The following USP31 variants were observed in gnomAD, a reference collection of about 807,000 sequenced individuals.
The protein encoded by USP31 is ubiquitin carboxyl-terminal hydrolase 31.
A neutral mutation model predicts 119.4 loss-of-function variants in USP31; 44 were observed. The observed-to-expected ratio is 0.37, with a 90% CI of 0.29 to 0.47. USP31 has a LOEUF of 0.47. Among genes scored for constraint, USP31 ranks in the 20% least tolerant of loss-of-function variants. The probability of loss-of-function intolerance (pLI) is 0.99; values close to 1 mark genes in which losing one functional copy is unlikely to be tolerated. For synonymous variants in USP31, 749 were observed against 705.6 expected (o/e 1.06, Z -0.97); for missense variants, 1,643 against 1,730.2 (o/e 0.95, Z 0.89).
chr16:23,117,348 A>G lies in USP31; in HGVS notation c.634-9165T>C, dbSNP rs113897506. On this transcript the variant is annotated intron_variant, in intron 1 of 15. Coordinates refer to ENST00000219689, the MANE Select transcript of USP31 (RefSeq NM_020718.4). ...TTTTAAGCAAATTCATATGTACCAC[A>G]AAGAGCTGGTGGCAAGGATTCATTG... 7.9e-3 allele frequency among the ~76,000 whole-genome samples: 1,201 copies of G among 152,368 alleles called. 11 individuals carry two copies. The highest frequency in any genetic ancestry group is 0.026 in the African/African-American group (1,095 of 41,584).
At chr16:23,080,510 C>A (rs1900773585) in intron 12 of USP31, among the ~76,000 whole-genome samples, 1 of 152,056 alleles carries the variant, frequency 6.6e-6, no homozygotes, top group African/African-American at 2.4e-5. Context: ...GTCAAAGAGA[C>A]ATGAAAACTA....
At chr16:23,109,565 C>T (rs1902238072) in intron 1 of USP31, among the ~76,000 whole-genome samples, 1 of 152,120 alleles carries the variant, frequency 6.6e-6, no homozygotes, top group South Asian at 2.1e-4. Flanking sequence ...ACCACCCCTA[C>T]ACCTTGAATG....
chr16:23,068,535 C>G lies in USP31; in HGVS notation c.3570G>C (p.Arg1190Ser). 1 of 1,613,960 alleles carries G rather than the reference C, an allele frequency of 6.2e-7. No individual in the cohort carries two copies. The highest frequency in any genetic ancestry group is 1.1e-5 in the South Asian group (1 of 91,066). ...AGCTCCGCACGTGCTTCCCGGCCCC[C>G]CTGCCCTCCCCTGCTCGGGCCTGGC... ...RVSQARAGEG[R>S]GAGKHVRSSS... The change falls in exon 16 of 16, where the codon AGG becomes AGC. Residue 1190 changes from arginine to serine, a missense_variant. Physicochemically the swap from Arg to Ser is moderately radical, Grantham distance 110 (BLOSUM62 -1). Transcript: ENST00000219689.
chr16:23,102,288 G>C lies in USP31; in HGVS notation c.1234+31C>G, dbSNP rs1402871551. ...GACTATAGTTAAACCTGCAAACCCA[G>C]GTGGCATTATGGAAACAGGAGCTCC... On this transcript the variant is annotated intron_variant, in intron 6 of 15. Coordinates refer to ENST00000219689, the MANE Select transcript of USP31 (RefSeq NM_020718.4). 8 of 1,598,124 alleles carry C rather than the reference G, an allele frequency of 5.0e-6. 1 individual carries two copies. The South Asian group carries it at 8.0e-5, about 16-fold the overall frequency.
chr16:23,134,199 AAAG>A lies in USP31; in HGVS notation c.633+14436_633+14438del, dbSNP rs1228141111. Among the ~76,000 whole-genome samples the A allele has an allele frequency of 3.3e-4, 50 of 152,248 alleles. 1 individual carries two copies. Among genetic ancestry groups the A allele is most frequent in the Non-Finnish European group, 6.2e-4 (42 of 68,034 alleles). ...TTAGAGAAACTTTAAGTAGCATGAGAAAGAAGAATAAGCAACAATAACACTAAA... is the reference window on the plus strand; with the variant it reads ...TTAGAGAAACTTTAAGTAGCATGAGAAAGAATAAGCAACAATAACACTAAA... On this transcript the variant is annotated intron_variant, in intron 1 of 15. Coordinates refer to ENST00000219689, the MANE Select transcript of USP31 (RefSeq NM_020718.4).
intron 13 of USP31, among the ~76,000 whole-genome samples, chr16:23,077,907 A>G (rs1276028119): frequency 6.6e-6 from 1 of 152,246 alleles, no homozygotes. Context: ...GCATAAAGAT[A>G]TTCAACAATG....
chr16:23,143,879 G>T (rs958507891), intron 1 of USP31, among the ~76,000 whole-genome samples: 1 of 152,142 alleles, frequency 6.6e-6, no homozygotes, highest in Non-Finnish European at 1.5e-5. Flanking sequence ...TGTCCCAGGG[G>T]GTGGGGGCAG....
chr16:23,071,905 C>A, intron 15 of USP31, 140 bp downstream of exon 15: 1 of 1,177,288 alleles, frequency 8.5e-7, no homozygotes, highest in Admixed American at 2.3e-5. Flanking sequence ...TAACTCACAG[C>A]TACACAGCTC....
At chr16:23,128,178 C>A (rs1482443159) in intron 1 of USP31, among the ~76,000 whole-genome samples, 1 of 152,178 alleles carries the variant, frequency 6.6e-6, no homozygotes, top group Non-Finnish European at 1.5e-5. Flanking sequence ...CCATGTGCAT[C>A]CCTCATGCCT....
chr16:23,143,599 G>C (rs1175415449), intron 1 of USP31, among the ~76,000 whole-genome samples: 1 of 151,184 alleles, frequency 6.6e-6, no homozygotes, highest in Non-Finnish European at 1.5e-5. Context: ...GGGGGGGAGA[G>C]AGAGAGAAAG....
intron 1 of USP31, among the ~76,000 whole-genome samples, chr16:23,117,751 C>CTTTTTTTTTTTTTT (rs67615111): frequency 2.1e-5 from 3 of 141,600 alleles, no homozygotes; most frequent in African/African-American, 5.1e-5. Context: ...TTTTCCTTTT[C>CTTTTTTTTTTTTTT]TTTTTTTTTT....
chr16:23,083,732 C>A, intron 11 of USP31, among the ~76,000 whole-genome samples: 1 of 129,600 alleles, frequency 7.7e-6, no homozygotes, highest in Non-Finnish European at 1.6e-5. Context: ...AAAAAAAACC[C>A]ATGTCTTATG....
intron 6 of USP31, among the ~76,000 whole-genome samples, chr16:23,094,621 C>T (rs538303003): frequency 5.3e-5 from 8 of 152,200 alleles, no homozygotes; most frequent in South Asian, 2.1e-4. Flanking sequence ...CTCATACAGG[C>T]GGGTGCCTGT....
At chr16:23,093,439 C>T (rs1360152560) in intron 6 of USP31, among the ~76,000 whole-genome samples, 1 of 152,200 alleles carries the variant, frequency 6.6e-6, no homozygotes, top group Admixed American at 6.5e-5. Flanking sequence ...AGATGTTCAT[C>T]ATCATTTACT....
At position 23,068,932 on chromosome 16, in the gene USP31, G is replaced by A. The variant is rs895031523; in HGVS notation, c.3173C>T (p.Pro1058Leu). Residue 1058 changes from proline to leucine, a missense_variant, in exon 16 of 16, where the codon CCT becomes CTT. Transcript: ENST00000219689. Reference protein sequence around the residue: ...SQESSLSSTSPSSPLPVKVSL... With the variant: ...SQESSLSSTSLSSPLPVKVSL... ...GACTTTTACAGGAAGAGGAGAAGAA[G>A]GGGATGTACTTGAAAGGGATGACTC... 6.2e-7 allele frequency: 1 copy of A among 1,613,972 alleles called. No homozygotes were observed. The highest frequency in any genetic ancestry group is 8.5e-7 in the Non-Finnish European group (1 of 1,179,976).
intron 7 of USP31, among the ~76,000 whole-genome samples, chr16:23,089,014 G>A (rs1396131822): frequency 6.6e-6 from 1 of 152,188 alleles, no homozygotes; most frequent in Non-Finnish European, 1.5e-5. Context: ...AAACTACTGT[G>A]AGGTGAAATG....
chr16:23,089,309 C>T (rs1457484723), intron 7 of USP31, among the ~76,000 whole-genome samples: 1 of 152,144 alleles, frequency 6.6e-6, no homozygotes, highest in African/African-American at 2.4e-5. Context: ...TTGCCAGCCT[C>T]CCACCATCAC....
chr16:23,062,762 G>A lies in USP31; in HGVS notation c.*5284C>T, dbSNP rs1173153653. The A allele has an allele frequency of 1.7e-4, 26 of 152,544 alleles. No homozygotes were observed. The highest frequency in any genetic ancestry group is 1.7e-3 in the Admixed American group (26 of 15,282). The allele number at this position is 152,544 out of a possible 1,614,324, so 9.4% of individuals were successfully genotyped here. ...GCGAGTGCTAGGCCATTCACAACAT[G>A]GTCCAAGCTCCCCAACTGGGCCTTG... On this transcript the variant is annotated 3_prime_UTR_variant, in exon 16 of 16. Transcript: ENST00000219689.
chr16:23,115,563 C>G (rs1902461422), intron 1 of USP31, among the ~76,000 whole-genome samples: 1 of 152,072 alleles, frequency 6.6e-6, no homozygotes, highest in African/African-American at 2.4e-5. Context: ...ATTAATCTTA[C>G]ATATTTGTGT....
Sources: allele counts gnomAD v4.1 joint callset (sites outside exome capture counted in the v4.1 genomes callset), GRCh38; gene constraint gnomAD v4.1.1; transcripts MANE v1.5; gene names NCBI Gene and HGNC (gene_info 2026-07-23, HGNC 2026-07-21).